The following METAP1 variants were observed in gnomAD, a reference collection of about 807,000 sequenced individuals.
METAP1 encodes methionyl aminopeptidase 1.
In METAP1, 28 loss-of-function variants were observed where a neutral mutation model predicts 53.8. The ratio of observed to expected loss-of-function variants is 0.52; its 90% confidence interval spans 0.39 to 0.71. The LOEUF (loss-of-function observed/expected upper bound fraction) is 0.71, where lower values mean the gene tolerates loss of function less well. Among genes scored for constraint, METAP1 ranks in the 30% least tolerant of loss-of-function variants. The pLI is 0.00. For synonymous variants in METAP1, 181 were observed against 165.7 expected (o/e 1.09, Z -0.71); for missense variants, 389 against 479.8 (o/e 0.81, Z 1.77).
At chr4:99,003,102 G>A (rs958436521) in intron 1 of METAP1, among the ~76,000 whole-genome samples, 10 of 152,090 alleles carry the variant, frequency 6.6e-5, no homozygotes, top group African/African-American at 2.2e-4. Context: ...AACAAACCAA[G>A]AAAAGCCCCT....
At chr4:99,053,990 C>T (rs946938289) in intron 9 of METAP1, among the ~76,000 whole-genome samples, 3 of 147,078 alleles carry the variant, frequency 2.0e-5, no homozygotes, top group Non-Finnish European at 4.4e-5. Flanking sequence ...GTTTCTAGAG[C>T]ACAGGCAGAG....
rs56082818 is a variant in METAP1 at position 99,031,101 on chromosome 4, G to GTT, written c.166+2205_166+2206dup. Among the ~76,000 whole-genome samples, 3,608 of 109,814 alleles carry GTT rather than the reference G, an allele frequency of 0.033. 410 individuals are homozygous for GTT. In the East Asian group the frequency reaches 0.47, roughly 14 times the overall value. 72.0% of individuals were successfully genotyped at this position (109,814 alleles called of 152,430 possible). ...GAGTTAAATAAATGACTCAAAGGTA[G>GTT]TTTTTTTTTTTTTTTTTTTTTTTAC... On this transcript the variant is annotated intron_variant, in intron 2 of 10. Transcript: ENST00000296411.
chr4:99,041,988 G>A (rs898751180), intron 6 of METAP1, among the ~76,000 whole-genome samples: 2 of 151,860 alleles, frequency 1.3e-5, no homozygotes, highest in African/African-American at 4.8e-5. Context: ...TGTGGGCCAG[G>A]TACTCAAGTG....
chr4:99,001,059 T>A (rs1722900725), intron 1 of METAP1, among the ~76,000 whole-genome samples: 1 of 152,210 alleles, frequency 6.6e-6, no homozygotes, highest in Non-Finnish European at 1.5e-5. Context: ...GGAATTGCCG[T>A]TATAACATGC....
intron 10 of METAP1, 131 bp downstream of exon 10, chr4:99,057,949 G>A: frequency 1.4e-6 from 1 of 728,738 alleles, no homozygotes; most frequent in Admixed American, 2.7e-5. Flanking sequence ...CCTCAAACTT[G>A]ATTCAGTATC....
Position 99,025,483 on chromosome 4 carries a change from G to C in METAP1, c.115-3384G>C, listed in dbSNP as rs1052495220. 6.1e-6 allele frequency: 6 copies of C among 977,496 alleles called. No individual in the cohort carries two copies. In the African/African-American group the frequency reaches 1.1e-4, roughly 17 times the overall value. 60.6% of individuals were successfully genotyped at this position (977,496 alleles called of 1,614,324 possible). ...ATTACCTACATAGCAAATTCCCAGA[G>C]ATTCTGATTGAATTTGAAGTGGGGA... On this transcript the variant is annotated intron_variant, in intron 1 of 10. Transcript: ENST00000296411.
chr4:99,013,593 T>A (rs950781306), intron 1 of METAP1, among the ~76,000 whole-genome samples: 2 of 152,250 alleles, frequency 1.3e-5, no homozygotes, highest in Non-Finnish European at 1.5e-5. Flanking sequence ...TACATCCTGA[T>A]GCAATCCCCT....
Position 99,041,084 on chromosome 4 carries a change from A to G in METAP1, c.474A>G (p.Lys158=). ...TGGATGTTGCTGCCGGCATGATTAA[A>G]CCAGGTGTAACTACTGAAGAAATAG... ...EVLDVAAGMI[K]PGVTTEEIDH... The change falls in exon 6 of 11, where the codon AAA becomes AAG. Residue 158 remains lysine, a synonymous_variant. Coordinates refer to ENST00000296411, the MANE Select transcript of METAP1 (RefSeq NM_015143.3). The G allele has an allele frequency of 6.2e-7, 1 of 1,609,352 alleles. No individual in the cohort carries two copies.
At chr4:99,034,191 TCTC>T (rs1202106693) in intron 2 of METAP1, 36 bp from the exon 3 acceptor site, 2 of 1,223,274 alleles carry the variant, frequency 1.6e-6, no homozygotes, top group Non-Finnish European at 2.4e-6. Flanking sequence ...TTTCCCTCCT[TCTC>T]CTCCTTCCTC....
intron 4 of METAP1, among the ~76,000 whole-genome samples, chr4:99,038,670 T>C (rs1437984076): frequency 6.6e-6 from 1 of 152,146 alleles, no homozygotes; most frequent in Admixed American, 6.5e-5. Context: ...TTATTACTTT[T>C]CATGTATGTA....
rs187279251 is a variant in METAP1 at position 99,005,358 on chromosome 4, T to G, written c.114+9491T>G. ...AATAGAATTTTCTCAAAAGAAGATATGGCCAACAAACATATGAAAAAATGC... is the reference window on the plus strand; with the variant it reads ...AATAGAATTTTCTCAAAAGAAGATAGGGCCAACAAACATATGAAAAAATGC... On this transcript the variant is annotated intron_variant, in intron 1 of 10. Coordinates refer to ENST00000296411, the MANE Select transcript of METAP1 (RefSeq NM_015143.3). Among the ~76,000 whole-genome samples the G allele has an allele frequency of 1.9e-3, 291 of 152,266 alleles. 1 individual carries two copies. Among genetic ancestry groups the G allele is most frequent in the African/African-American group, 6.8e-3 (283 of 41,552 alleles).
At chr4:99,028,728 C>T in intron 1 of METAP1, 139 bp from the exon 2 acceptor site, 1 of 521,434 alleles carries the variant, frequency 1.9e-6, no homozygotes, top group South Asian at 4.0e-5. Flanking sequence ...TTAAGCTTTT[C>T]CCAAATATTT....
intron 1 of METAP1, among the ~76,000 whole-genome samples, chr4:99,018,200 A>G (rs150722178): frequency 6.6e-6 from 1 of 152,354 alleles, no homozygotes; most frequent in Non-Finnish European, 1.5e-5. Context: ...CGACCTGTTC[A>G]GGTCCTATTC....
intron 1 of METAP1, among the ~76,000 whole-genome samples, chr4:99,007,248 C>T (rs974069379): frequency 6.6e-6 from 1 of 152,142 alleles, no homozygotes; most frequent in African/African-American, 2.4e-5. Flanking sequence ...TGAGCCACTG[C>T]ACCTGACCGT....
At position 99,008,596 on chromosome 4, in the gene METAP1, G is replaced by A. The variant is rs147044519; in HGVS notation, c.114+12729G>A. Among the ~76,000 whole-genome samples the A allele has an allele frequency of 4.6e-5, 7 of 152,206 alleles. No homozygotes were observed. In the East Asian group the frequency reaches 7.7e-4, roughly 17 times the overall value. On this transcript the variant is annotated intron_variant, in intron 1 of 10. Transcript: ENST00000296411. ...AGAACATGGATGCTGTCTTAAGAGG[G>A]CCTGCATTCAAAACTTGGACTTGTC...
At chr4:99,009,068 A>G (rs995699394) in intron 1 of METAP1, among the ~76,000 whole-genome samples, 1 of 152,178 alleles carries the variant, frequency 6.6e-6, no homozygotes, top group African/African-American at 2.4e-5. Context: ...GGTAACTACT[A>G]TTCTACTTTC....
At chr4:98,996,517 C>A (rs938404396) in intron 1 of METAP1, among the ~76,000 whole-genome samples, 7 of 152,220 alleles carry the variant, frequency 4.6e-5, no homozygotes, top group African/African-American at 7.2e-5. Flanking sequence ...GTAATTCATT[C>A]TTTTCTTTCG....
Position 99,030,780 on chromosome 4 carries a change from G to GT in METAP1, c.166+1877dup, listed in dbSNP as rs35143599. 2.9e-3 allele frequency among the ~76,000 whole-genome samples: 428 copies of GT among 145,132 alleles called. 1 individual carries two copies. The highest frequency in any genetic ancestry group is 7.8e-3 in the African/African-American group (304 of 39,202). On this transcript the variant is annotated intron_variant, in intron 2 of 10. Coordinates refer to ENST00000296411, the MANE Select transcript of METAP1 (RefSeq NM_015143.3). ...CTTGTCATGGAGACGATATAGTTAG[G>GT]TTTTTTTTTTTTTTTAAGTATAGTG... is the stretch of plus-strand genomic sequence containing the variant.
intron 1 of METAP1, among the ~76,000 whole-genome samples, chr4:99,015,064 C>A (rs993848075): frequency 3.9e-5 from 6 of 152,192 alleles, no homozygotes; most frequent in Non-Finnish European, 5.9e-5. Flanking sequence ...CACTCCAAAT[C>A]CGTCGCATGT....
Sources: allele counts gnomAD v4.1 joint callset (sites outside exome capture counted in the v4.1 genomes callset), GRCh38; gene constraint gnomAD v4.1.1; transcripts MANE v1.5; gene names NCBI Gene and HGNC (gene_info 2026-07-23, HGNC 2026-07-21).